The following PSMD9 variants were observed in gnomAD, a reference collection of about 807,000 sequenced individuals.
The protein encoded by PSMD9 is 26S proteasome non-ATPase regulatory subunit 9.
Under a neutral mutation model 25.9 loss-of-function variants are expected in PSMD9, and 26 were observed. That is an observed-to-expected ratio of 1.00 (90% CI 0.73 to 1.39). The LOEUF (loss-of-function observed/expected upper bound fraction) is 1.39, where lower values mean the gene tolerates loss of function less well. Among genes scored for constraint, PSMD9 ranks in the 40% most tolerant of loss-of-function variants. The probability of loss-of-function intolerance (pLI) is 0.00; values close to 1 mark genes in which losing one functional copy is unlikely to be tolerated. For synonymous variants in PSMD9, 110 were observed against 114.5 expected, an observed-to-expected ratio of 0.96 and a Z score of 0.25; for missense variants, 303 against 299.3, an observed-to-expected ratio of 1.01 and a Z score of -0.09.
Position 121,890,056 on chromosome 12 carries a change from T to G in PSMD9, c.138+1062T>G, listed in dbSNP as rs372277441. ...CCTCAGCCTCCCGAGTAGTAGGGAT[T>G]ACAGGCGAGCGCCAGTACGCCAGGC... On this transcript the variant is annotated intron_variant, in intron 1 of 5. Coordinates refer to ENST00000541212, the MANE Select transcript of PSMD9 (RefSeq NM_002813.7). 1.6e-4 allele frequency among the ~76,000 whole-genome samples: 24 copies of G among 152,220 alleles called. No homozygotes were observed. In the East Asian group the frequency reaches 4.1e-3, roughly 26 times the overall value.
At chr12:121,899,930 G>C (rs1879343092) in intron 3 of PSMD9, 85 bp downstream of exon 3, 1 of 1,442,452 alleles carries the variant, frequency 6.9e-7, no homozygotes, top group South Asian at 1.2e-5. Context: ...AGACAGACTA[G>C]TTCTCTCCGT....
intron 1 of PSMD9, among the ~76,000 whole-genome samples, chr12:121,892,025 A>G (rs997813446): frequency 6.6e-6 from 1 of 152,112 alleles, no homozygotes; most frequent in Non-Finnish European, 1.5e-5. Context: ...GGCACCAAAA[A>G]CACAAGCTAC....
chr12:121,912,817 G>A (rs1396046884), intron 4 of PSMD9, among the ~76,000 whole-genome samples: 1 of 148,868 alleles, frequency 6.7e-6, no homozygotes, highest in Non-Finnish European at 1.5e-5. Flanking sequence ...AGTGAGCTAA[G>A]GGATTGCATC....
At position 121,894,863 on chromosome 12, in the gene PSMD9, CT is replaced by C. The variant is rs769511814; in HGVS notation, c.241+25del. On this transcript the variant is annotated intron_variant, in intron 2 of 5. Coordinates refer to ENST00000541212, the MANE Select transcript of PSMD9 (RefSeq NM_002813.7). ...ATATGTGAGTGGCCCTCTTAGAAGA[CT>C]TTCCCCACCTTGTGGTGGGAAGGTG... 3.8e-5 allele frequency: 61 copies of C among 1,594,260 alleles called. 1 individual carries two copies. In the South Asian group the frequency reaches 5.4e-4, roughly 14 times the overall value.
intron 1 of PSMD9, among the ~76,000 whole-genome samples, chr12:121,892,544 C>CA (rs143425009): frequency 3.3e-5 from 5 of 151,764 alleles, no homozygotes; most frequent in Non-Finnish European, 5.9e-5. Context: ...ACTAAAAATA[C>CA]AAAAAAATTA....
intron 2 of PSMD9, chr12:121,897,700 A>AT (rs1220490810): frequency 7.7e-6 from 1 of 129,888 alleles, no homozygotes; most frequent in Non-Finnish European, 1.6e-5. Flanking sequence ...TTTTAGTAGT[A>AT]TTTTTTTAGT....
rs1426398939 is a variant in PSMD9, at chr12:121,916,968, A to G, written c.*657A>G. On this transcript the variant is annotated 3_prime_UTR_variant, in exon 6 of 6. Transcript: ENST00000541212. ...CACCAGAGGGCAGCAAGCTCCTTTCACTTCGCTAGTAAGAACCCCTCCGTT... is the reference window on the plus strand; with the variant it reads ...CACCAGAGGGCAGCAAGCTCCTTTCGCTTCGCTAGTAAGAACCCCTCCGTT... 1 of 152,164 alleles carries G rather than the reference A, an allele frequency of 6.6e-6. No homozygotes were observed. The highest frequency in any genetic ancestry group is 2.4e-5 in the African/African-American group (1 of 41,398). 9.4% of individuals were successfully genotyped at this position (152,164 alleles called of 1,614,324 possible).
At chr12:121,893,998 G>A (rs1483674776) in intron 1 of PSMD9, 3 of 152,140 alleles carry the variant, frequency 2.0e-5, no homozygotes, top group African/African-American at 7.2e-5. Flanking sequence ...GAGGCTTAGA[G>A]AGGAGAAGGT....
intron 1 of PSMD9, among the ~76,000 whole-genome samples, chr12:121,893,627 C>T (rs991055058): frequency 6.6e-6 from 1 of 152,140 alleles, no homozygotes; most frequent in South Asian, 2.1e-4. Flanking sequence ...TGACTGCTGG[C>T]GGTCCTTGGC....
chr12:121,892,573 C>T (rs967117046), intron 1 of PSMD9, among the ~76,000 whole-genome samples: 5 of 151,832 alleles, frequency 3.3e-5, no homozygotes, highest in African/African-American at 7.3e-5. Context: ...TGGTGGCAGA[C>T]GCCTGTAGTC....
At chr12:121,890,186 G>A (rs906835971) in intron 1 of PSMD9, among the ~76,000 whole-genome samples, 3 of 152,130 alleles carry the variant, frequency 2.0e-5, no homozygotes, top group Non-Finnish European at 2.9e-5. Flanking sequence ...CCAAGTGCTG[G>A]GATTACAGGC....
intron 4 of PSMD9, among the ~76,000 whole-genome samples, chr12:121,905,354 G>A (rs2948665): frequency 0.03 from 4,520 of 150,620 alleles, 270 homozygotes; most frequent in African/African-American, 0.1. Flanking sequence ...CTCCCGAGTA[G>A]CTGGGACTAC....
intron 4 of PSMD9, among the ~76,000 whole-genome samples, chr12:121,909,854 T>A (rs970183129): frequency 6.6e-6 from 1 of 152,076 alleles, no homozygotes; most frequent in Non-Finnish European, 1.5e-5. Context: ...GTAGCGAGTG[T>A]CCTTGCCTGT....
chr12:121,906,851 A>G (rs895432036), intron 4 of PSMD9, among the ~76,000 whole-genome samples: 11 of 150,022 alleles, frequency 7.3e-5, no homozygotes, highest in Non-Finnish European at 1.6e-4. Context: ...GGTACTCTCC[A>G]GCTACTTGGG....
At chr12:121,913,370 C>T (rs1879795785) in intron 4 of PSMD9, among the ~76,000 whole-genome samples, 1 of 152,196 alleles carries the variant, frequency 6.6e-6, no homozygotes, top group South Asian at 2.1e-4. Flanking sequence ...TGAGCCACCA[C>T]ACCCAGCCCT....
At chr12:121,890,716 C>T (rs1048615750) in intron 1 of PSMD9, among the ~76,000 whole-genome samples, 1 of 152,130 alleles carries the variant, frequency 6.6e-6, no homozygotes, top group South Asian at 2.1e-4. Context: ...AAGCAGTCCT[C>T]CTGCCTCTGC....
intron 4 of PSMD9, among the ~76,000 whole-genome samples, chr12:121,912,982 G>A (rs1397378416): frequency 6.7e-6 from 1 of 149,394 alleles, no homozygotes; most frequent in African/African-American, 2.5e-5. Context: ...TGTCACCCAG[G>A]CTGGAGTGCA....
chr12:121,889,039 G>C, intron 1 of PSMD9, 45 bp downstream of exon 1: 1 of 1,552,924 alleles, frequency 6.4e-7, no homozygotes, highest in Non-Finnish European at 8.7e-7. Context: ...ACCCGGCCCG[G>C]AGTCCCTGGG....
intron 3 of PSMD9, among the ~76,000 whole-genome samples, chr12:121,901,007 A>T (rs1163904959): frequency 6.7e-6 from 1 of 148,526 alleles, no homozygotes; most frequent in Non-Finnish European, 1.5e-5. Flanking sequence ...AAAAAAAAAA[A>T]GGAGATGGGG....
Sources: gnomAD v4.1 joint callset for allele counts (sites outside exome capture counted in the v4.1 genomes callset) on GRCh38, gnomAD v4.1.1 for gene constraint, MANE v1.5 for transcripts, NCBI Gene and HGNC (gene_info 2026-07-23, HGNC 2026-07-21) for gene names.